The following HIBCH variants were observed in gnomAD, a reference collection of about 807,000 sequenced individuals.
HIBCH encodes the protein 3-hydroxyisobutyryl-CoA hydrolase.
HIBCH carries 50 observed loss-of-function variants against 58.2 expected under a neutral mutation model. The observed-to-expected ratio is 0.86, with a 90% CI of 0.68 to 1.09. The LOEUF (loss-of-function observed/expected upper bound fraction) is 1.09, where lower values mean the gene tolerates loss of function less well. Among genes scored for constraint, HIBCH ranks in the 50% least tolerant of loss-of-function variants. The probability of loss-of-function intolerance (pLI) is 0.00; values close to 1 mark genes in which losing one functional copy is unlikely to be tolerated. For missense variants in HIBCH, 450 were observed against 449.7 expected, an observed-to-expected ratio of 1.00 and a Z score of -0.01; for synonymous variants, 151 against 146.9, an observed-to-expected ratio of 1.03 and a Z score of -0.20.
chr2:190,197,794 T>C lies in HIBCH; in HGVS notation c.*17+7306A>G, dbSNP rs571635328. 3.9e-5 allele frequency among the ~76,000 whole-genome samples: 6 copies of C among 152,364 alleles called. No individual in the cohort carries two copies. Among genetic ancestry groups the C allele is most frequent in the African/African-American group, 9.6e-5 (4 of 41,588 alleles). On this transcript the variant is annotated intron_variant, in intron 1 of 1. Coordinates refer to the HIBCH transcript ENST00000399855. The surrounding 1 kb of genome is among the most constrained non-coding windows in gnomAD (Gnocchi z 4.0). The stretch of plus-strand genomic sequence containing the variant: ...CAAATGCACAAATCTGGCACTACTT[T>C]GTTAGGGTAAGAAAAAGCTGCTTTT...
intron 1 of HIBCH, among the ~76,000 whole-genome samples, chr2:190,192,459 T>TGG (rs1326140931): frequency 8.5e-6 from 1 of 118,300 alleles, no homozygotes; most frequent in Non-Finnish European, 1.7e-5. Context: ...AATCTGTGTG[T>TGG]GTGTGTGTGT....
chr2:190,282,188 T>C (rs1331460222), intron 6 of HIBCH, among the ~76,000 whole-genome samples: 3 of 152,242 alleles, frequency 2.0e-5, no homozygotes, highest in African/African-American at 7.2e-5. Context: ...CAATTTCAGG[T>C]ATTTGTTATT....
rs10650285 is a variant in HIBCH at position 190,208,668 on chromosome 2, A to ATTTT, written c.1045+208_1045+211dup. 7.4e-3 allele frequency: 3,403 copies of ATTTT among 462,958 alleles called. 85 individuals are homozygous for ATTTT. Among genetic ancestry groups the ATTTT allele is most frequent in the African/African-American group, 0.053 (2,364 of 44,514 alleles). The allele number at this position is 462,958 out of a possible 1,614,324, so 28.7% of individuals were successfully genotyped here. ...TGGGATCAGAAGTGTTTCAGGTTTG[A>ATTTT]TTTTTTTTTTTTTTTTCAGATTTTG... On this transcript the variant is annotated intron_variant, in intron 13 of 13. Coordinates refer to ENST00000359678, the MANE Select transcript of HIBCH (RefSeq NM_014362.4).
intron 2 of HIBCH, among the ~76,000 whole-genome samples, chr2:190,303,245 G>A (rs1448573529): frequency 6.6e-6 from 1 of 152,074 alleles, no homozygotes; most frequent in Non-Finnish European, 1.5e-5. Context: ...CATTACCCTA[G>A]CTCTATCCTC....
At chr2:190,277,949 T>C (rs946855954) in intron 6 of HIBCH, among the ~76,000 whole-genome samples, 4 of 152,344 alleles carry the variant, frequency 2.6e-5, no homozygotes, top group South Asian at 2.1e-4. Context: ...TAAATTTGTA[T>C]GAAGATTTTC....
At chr2:190,219,020 G>A (rs1685641982) in intron 11 of HIBCH, among the ~76,000 whole-genome samples, 1 of 152,160 alleles carries the variant, frequency 6.6e-6, no homozygotes, top group Admixed American at 6.5e-5. Flanking sequence ...GCTAATGTCT[G>A]GTGGTATTAT....
At chr2:190,238,458 G>A (rs188068498) in intron 11 of HIBCH, among the ~76,000 whole-genome samples, 191 of 152,082 alleles carry the variant, frequency 1.3e-3, no homozygotes, top group Non-Finnish European at 2.3e-3. Flanking sequence ...TTTGTTGGCC[G>A]TGTAAATGTC....
chr2:190,250,534 A>C (rs1686733273), intron 8 of HIBCH: 1 of 292,902 alleles, frequency 3.4e-6, no homozygotes, highest in Non-Finnish European at 7.1e-6. Flanking sequence ...TTGACAAAGA[A>C]AGGGGTTATG....
At chr2:190,212,146 T>G (rs1690525940) in intron 12 of HIBCH, among the ~76,000 whole-genome samples, 1 of 152,236 alleles carries the variant, frequency 6.6e-6, no homozygotes, top group Non-Finnish European at 1.5e-5. Context: ...GCATATAAAG[T>G]GCCTAGCGTA....
In HIBCH at chr2:190,238,345, C is replaced by CT. The variant is rs1411950356; in HGVS notation, c.891+6541dup. ...CTTGCCAGTATCTGTTGTTTCCAGA[C>CT]TTTTTAATGATCTCCATTCTAACTG... On this transcript the variant is annotated intron_variant, in intron 11 of 13. Coordinates refer to ENST00000359678, the MANE Select transcript of HIBCH (RefSeq NM_014362.4). 3.3e-5 allele frequency among the ~76,000 whole-genome samples: 5 copies of CT among 152,298 alleles called. No individual in the cohort carries two copies. In the East Asian group the frequency reaches 9.6e-4, roughly 29 times the overall value.
chr2:190,242,208 A>G (rs1462400476), intron 11 of HIBCH, among the ~76,000 whole-genome samples: 2 of 151,602 alleles, frequency 1.3e-5, no homozygotes, highest in African/African-American at 4.8e-5. Context: ...ATTTAAGTTG[A>G]TCTTCAATCT....
chr2:190,245,989 CAAAAAAAAAAAA>C (rs527873173), intron 10 of HIBCH, among the ~76,000 whole-genome samples, 153 bp downstream of exon 10: 1 of 60,276 alleles, frequency 1.7e-5, no homozygotes, highest in African/African-American at 5.6e-5. Context: ...GACTCTGTCT[CAAAAAAAAAAAA>C]AAAAAAAGGA....
rs568182303 is a variant in HIBCH at position 190,206,694 on chromosome 2, C to T, written c.1046-1462G>A. On this transcript the variant is annotated intron_variant, in intron 13 of 13. Transcript: ENST00000359678. This position sits in a 1 kb window ranked among gnomAD's most constrained non-coding sequence, Gnocchi z 5.1. Reference sequence around the variant, plus strand: ...TTTTAACAACTGTTAAATTTGCTAACTTACTTTAACTTGCTAATATGTTTT... The same window carrying T: ...TTTTAACAACTGTTAAATTTGCTAATTTACTTTAACTTGCTAATATGTTTT... Among the ~76,000 whole-genome samples, 1 of 152,296 alleles carries T rather than the reference C, an allele frequency of 6.6e-6. No homozygotes were observed. Among genetic ancestry groups the T allele is most frequent in the South Asian group, 2.1e-4 (1 of 4,824 alleles).
At chr2:190,292,360 G>A (rs62184434) in intron 4 of HIBCH, among the ~76,000 whole-genome samples, 23,317 of 147,394 alleles carry the variant, frequency 0.16, 2,502 homozygotes, top group Admixed American at 0.33. Flanking sequence ...GCTGGAGTGC[G>A]GTGGCATGAT....
intron 6 of HIBCH, among the ~76,000 whole-genome samples, chr2:190,271,717 A>T (rs1009541480): frequency 5.9e-5 from 9 of 152,112 alleles, no homozygotes; most frequent in Non-Finnish European, 1.3e-4. Flanking sequence ...TCTAAAATGC[A>T]AATCTGTTCT....
chr2:190,199,660 C>T, downstream of HIBCH: 1 of 1,338,244 alleles, frequency 7.5e-7, no homozygotes, highest in Non-Finnish European at 9.8e-7. Flanking sequence ...ATTTTGCATT[C>T]TGTAACTTCA....
chr2:190,319,752 G>T lies in HIBCH; in HGVS notation c.-2C>A, dbSNP rs745602636. The T allele has an allele frequency of 6.8e-6, 11 of 1,611,622 alleles. No individual in the cohort carries two copies. The highest frequency in any genetic ancestry group is 9.3e-6 in the Non-Finnish European group (11 of 1,179,050). On this transcript the variant is annotated 5_prime_UTR_variant, in exon 1 of 14. Transcript: ENST00000359678. ...CCTCCACATCTCGCGCTGCCCCATC[G>T]CCAAACACTCCGAAGCTAAAGCAGC... is the stretch of plus-strand genomic sequence containing the variant.
rs80270107 is a variant in HIBCH at position 190,300,272 on chromosome 2, C to T, written c.79-3319G>A. 1.0e-2 allele frequency among the ~76,000 whole-genome samples: 1,521 copies of T among 152,222 alleles called. 20 individuals carry two copies. The highest frequency in any genetic ancestry group is 0.015 in the Non-Finnish European group (987 of 67,996). On this transcript the variant is annotated intron_variant, in intron 2 of 13. Coordinates refer to ENST00000359678, the MANE Select transcript of HIBCH (RefSeq NM_014362.4). ...TCCACAATGGTGGAACTAATTTAAA[C>T]GCTCATCAACAGTGTATACACGTTC... is the stretch of plus-strand genomic sequence containing the variant.
chr2:190,255,846 A>T (rs944401019), intron 7 of HIBCH, among the ~76,000 whole-genome samples: 7 of 151,812 alleles, frequency 4.6e-5, no homozygotes, highest in African/African-American at 2.4e-5. Flanking sequence ...AGAGAGAGAG[A>T]GAGTGTGTGT....
Sources: allele counts gnomAD v4.1 joint callset (sites outside exome capture counted in the v4.1 genomes callset), GRCh38; gene constraint gnomAD v4.1.1; non-coding constraint Gnocchi (gnomAD v3.1); transcripts MANE v1.5; gene names NCBI Gene and HGNC (gene_info 2026-07-23, HGNC 2026-07-21).